Variants in SYNE1 observed in about 807,000 individuals in gnomAD.
SYNE1 encodes spectrin repeat containing nuclear envelope protein 1, also known as nesprin-1.
A neutral mutation model predicts 1,111.0 loss-of-function variants in SYNE1; 616 were observed. That is an observed-to-expected ratio of 0.55 (90% CI 0.52 to 0.59). The LOEUF (loss-of-function observed/expected upper bound fraction) is 0.59, where lower values mean the gene tolerates loss of function less well. Ranked by LOEUF, SYNE1 falls within the 20% of genes least tolerant of loss-of-function variation. The pLI is 0.00. For synonymous variants in SYNE1, 3,855 were observed against 3,825.8 expected, an observed-to-expected ratio of 1.01 and a Z score of -0.28; for missense variants, 10,006 against 10,417.0, an observed-to-expected ratio of 0.96 and a Z score of 1.72.
intron 3 of SYNE1, among the ~76,000 whole-genome samples, chr6:152,583,194 C>A (rs2099526262): frequency 6.6e-6 from 1 of 152,124 alleles, no homozygotes. Context: ...AAATCAGTGA[C>A]CCTCATTAAG....
At chr6:152,474,602 A>G (rs1393284588) in intron 14 of SYNE1, 2 of 152,318 alleles carry the variant, frequency 1.3e-5, no homozygotes, top group Non-Finnish European at 2.9e-5. Flanking sequence ...ACAAGCCACC[A>G]TGAGTGAGAA....
chr6:152,239,813 G>T, intron 107 of SYNE1, 107 bp from the exon 108 acceptor site: 1 of 1,221,500 alleles, frequency 8.2e-7, no homozygotes, highest in South Asian at 1.3e-5. Flanking sequence ...AATCCCAACA[G>T]TTGGGGAGGC....
chr6:152,125,773 T>C (rs1277032280), intron 145 of SYNE1: 1 of 155,372 alleles, frequency 6.4e-6, no homozygotes, highest in Admixed American at 6.4e-5. Flanking sequence ...CAGAGCTGAA[T>C]AGCTCCTGTT....
At chr6:152,611,173 A>C (rs896549988) in intron 3 of SYNE1, among the ~76,000 whole-genome samples, 1 of 152,216 alleles carries the variant, frequency 6.6e-6, no homozygotes, top group Admixed American at 6.5e-5. Context: ...AATGGGCTAA[A>C]TGCCTCAATT....
Position 152,133,647 on chromosome 6 carries a change from G to C in SYNE1, c.25789-159C>G, listed in dbSNP as rs2056375164. The C allele has an allele frequency of 5.5e-6, 4 of 726,292 alleles. No homozygotes were observed. In the East Asian group the frequency reaches 1.1e-4, roughly 20 times the overall value. 45.0% of individuals were successfully genotyped at this position (726,292 alleles called of 1,614,324 possible). ...AAGGATGCAGCAGCTCACGGCCTGA[G>C]TTCTAATCCTGCCTCTGCCAAAAAT... is the stretch of plus-strand genomic sequence containing the variant. On this transcript the variant is annotated intron_variant, in intron 142 of 145. Coordinates refer to ENST00000367255, the MANE Select transcript of SYNE1 (RefSeq NM_182961.4).
At chr6:152,464,646 A>T (rs1200279332) in intron 18 of SYNE1, among the ~76,000 whole-genome samples, 1 of 152,182 alleles carries the variant, frequency 6.6e-6, no homozygotes, top group Non-Finnish European at 1.5e-5. Flanking sequence ...TTTCCATGTA[A>T]AAATGCCAGG....
intron 108 of SYNE1, among the ~76,000 whole-genome samples, chr6:152,238,659 C>T (rs1433477565): frequency 6.6e-6 from 1 of 151,858 alleles, no homozygotes; most frequent in Admixed American, 6.6e-5. Flanking sequence ...GTGGGGAAGT[C>T]CACAAAGGGG....
At chr6:152,293,526 C>T (rs1367102808) in intron 95 of SYNE1, 62 bp downstream of exon 95, 2 of 1,584,534 alleles carry the variant, frequency 1.3e-6, no homozygotes, top group East Asian at 2.2e-5. Flanking sequence ...CCTGACAGGC[C>T]AACCAGTCAC....
intron 28 of SYNE1, among the ~76,000 whole-genome samples, chr6:152,447,844 A>T (rs2098605685): frequency 6.6e-6 from 1 of 152,216 alleles, no homozygotes; most frequent in Admixed American, 6.5e-5. Flanking sequence ...TCAGCTTCAT[A>T]ATTAGATTGG....
At chr6:152,403,351 T>C (rs2097849610) in intron 46 of SYNE1, among the ~76,000 whole-genome samples, 1 of 152,212 alleles carries the variant, frequency 6.6e-6, no homozygotes, top group African/African-American at 2.4e-5. Context: ...GGGAGGTTTA[T>C]AGTGGTGATC....
chr6:152,601,806 T>C (rs1358442929), intron 3 of SYNE1, among the ~76,000 whole-genome samples: 3 of 152,132 alleles, frequency 2.0e-5, no homozygotes, highest in Non-Finnish European at 4.4e-5. Flanking sequence ...AATGAGAACA[T>C]CTAAACAGGA....
chr6:152,164,468 A>C, intron 130 of SYNE1, 143 bp from the exon 131 acceptor site: 1 of 954,230 alleles, frequency 1.0e-6, no homozygotes, highest in South Asian at 1.5e-5. Flanking sequence ...GACAGAAGAC[A>C]AAGGAGGATA....
chr6:152,558,758 T>G (rs1414726686), intron 3 of SYNE1, among the ~76,000 whole-genome samples: 1 of 152,098 alleles, frequency 6.6e-6, no homozygotes, highest in Non-Finnish European at 1.5e-5. Flanking sequence ...TTTCAGTACT[T>G]CACGTTTGAC....
chr6:152,472,298 T>C lies in SYNE1; in HGVS notation c.1463+3A>G. On this transcript the variant is annotated splice_donor_region_variant and intron_variant, in intron 15 of 145. Transcript: ENST00000367255. ...CTTCCTTTAAATGCAGATATTCTCT[T>C]ACCTCTCGGCCATGTCCTCTAATTG... 2 of 1,609,480 alleles carry C rather than the reference T, an allele frequency of 1.2e-6. No homozygotes were observed. The highest frequency in any genetic ancestry group is 1.7e-6 in the Non-Finnish European group (2 of 1,175,816).
intron 100 of SYNE1, among the ~76,000 whole-genome samples, chr6:152,264,840 C>T (rs1279700090): frequency 6.6e-6 from 1 of 151,712 alleles, no homozygotes; most frequent in African/African-American, 2.4e-5. Context: ...GCAGGGATTC[C>T]ACTCCTAGGA....
At chr6:152,266,839 G>A (rs1449027882) in intron 100 of SYNE1, among the ~76,000 whole-genome samples, 3 of 152,006 alleles carry the variant, frequency 2.0e-5, no homozygotes, top group Non-Finnish European at 4.4e-5. Context: ...GTGTGTATAT[G>A]TAACAGACTG....
In SYNE1 at chr6:152,180,277, C is replaced by G; in HGVS notation, c.23319G>C (p.Gln7773His). The stretch of plus-strand genomic sequence containing the variant: ...ATTCATTCAATCTTTCACCTATTTG[C>G]TGCCGCCTTAAGGAGAGCTGAAAAG... ...ELCHQLSLRR[Q>H]QIGERLNEWA... is the part of the protein sequence containing the mutation. The change falls in exon 129 of 146, where the codon CAG becomes CAC. Residue 7773 changes from glutamine (Q) to histidine (H), a missense_variant. Physicochemically the swap from Gln to His is conservative, Grantham distance 24. This residue lies in a region of SYNE1 where 2,182 missense variants were observed against 2,287.8 expected (regional missense o/e 0.95). Transcript: ENST00000367255. 1.2e-6 allele frequency: 2 copies of G among 1,614,064 alleles called. No homozygotes were observed. Among genetic ancestry groups the G allele is most frequent in the African/African-American group, 2.7e-5 (2 of 75,036 alleles).
chr6:152,232,668 G>A (rs1177492625), intron 112 of SYNE1, among the ~76,000 whole-genome samples: 1 of 152,156 alleles, frequency 6.6e-6, no homozygotes, highest in Non-Finnish European at 1.5e-5. Context: ...AAAGAAGAAA[G>A]AAAAATACCA....
chr6:152,463,703 C>CT (rs1007911952), intron 18 of SYNE1, among the ~76,000 whole-genome samples, 186 bp from the exon 19 acceptor site: 4 of 152,054 alleles, frequency 2.6e-5, no homozygotes, highest in Admixed American at 2.6e-4. Flanking sequence ...GAGATACTGT[C>CT]TTTTTTTATA....
Sources: allele counts gnomAD v4.1 joint callset (sites outside exome capture counted in the v4.1 genomes callset), GRCh38; gene constraint gnomAD v4.1.1; regional missense constraint gnomAD v4.1.1; transcripts MANE v1.5; gene names NCBI Gene and HGNC (gene_info 2026-07-23, HGNC 2026-07-21).